The following COPS2 variants were observed in gnomAD, a reference collection of about 807,000 sequenced individuals.
COPS2 encodes COP9 signalosome complex subunit 2.
Under a neutral mutation model 66.1 loss-of-function variants are expected in COPS2, and 10 were observed. The ratio of observed to expected loss-of-function variants is 0.15; its 90% CI spans 0.09 to 0.26. The LOEUF (loss-of-function observed/expected upper bound fraction) is 0.26. Among genes scored for constraint, COPS2 ranks in the 10% least tolerant of loss-of-function variants. The probability of loss-of-function intolerance (pLI) is 1.00; values close to 1 mark genes in which losing one functional copy is unlikely to be tolerated. For synonymous variants in COPS2, 179 were observed against 171.3 expected (o/e 1.04, Z -0.35); for missense variants, 215 against 513.3 (o/e 0.42, Z 5.62).
chr15:49,132,468 A>G (rs2940745), intron 9 of COPS2, among the ~76,000 whole-genome samples: 50,719 of 150,168 alleles, frequency 0.34, 9,139 homozygotes, highest in East Asian at 0.58. Context: ...TACACAATTT[A>G]TATGTAGGTG....
rs913765548 is a variant in COPS2, at chr15:49,128,163, C to G, written c.1188-69G>C. The G allele has an allele frequency of 2.0e-6, 3 of 1,465,660 alleles. No individual in the cohort carries two copies. The Admixed American group carries it at 5.8e-5, about 28-fold the overall frequency. The allele number at this position is 1,465,660 out of a possible 1,614,324, so 90.8% of individuals were successfully genotyped here. A position where few individuals can be genotyped will look rare whatever the true frequency, so the allele number is the denominator to read the frequency against. ...AAGCACAGTTTCTGGATTAATGTTT[C>G]ATAAAATACAGTATCAACAAATGCC... On this transcript the variant is annotated intron_variant, in intron 12 of 12. Coordinates refer to ENST00000388901, the MANE Select transcript of COPS2 (RefSeq NM_004236.4).
chr15:49,132,354 CT>C lies in COPS2; in HGVS notation c.947+1404del, dbSNP rs573971229. 5.1e-4 allele frequency among the ~76,000 whole-genome samples: 74 copies of C among 144,408 alleles called. No homozygotes were observed. The East Asian group carries it at 6.2e-3, about 12-fold the overall frequency. The allele number at this position is 144,408 out of a possible 152,430, so 94.7% of individuals were successfully genotyped here. A position where few individuals can be genotyped will look rare whatever the true frequency, so the allele number is the denominator to read the frequency against. ...TTCTTAGTCCCCCTAAAAAAAAACG[CT>C]TTTTTTTTTACAGCCAAAATTAAGG... is the stretch of plus-strand genomic sequence containing the variant. On this transcript the variant is annotated intron_variant, in intron 9 of 12. Coordinates refer to ENST00000388901, the MANE Select transcript of COPS2 (RefSeq NM_004236.4).
At chr15:49,150,490 G>A (rs2084352665) in intron 1 of COPS2, among the ~76,000 whole-genome samples, 2 of 151,954 alleles carry the variant, frequency 1.3e-5, no homozygotes, top group Admixed American at 1.3e-4. Flanking sequence ...TGACAAATAC[G>A]AGAGTCTGTA....
Position 49,127,989 on chromosome 15 carries a change from T to C in COPS2, c.1293A>G (p.Leu431=), listed in dbSNP as rs770987851. 3 of 1,614,034 alleles carry C rather than the reference T, an allele frequency of 1.9e-6. No homozygotes were observed. The highest frequency in any genetic ancestry group is 8.5e-7 in the Non-Finnish European group (1 of 1,179,908). Residue 431 remains leucine (L), a synonymous_variant, in exon 13 of 13, where the codon CTA becomes CTG. Coordinates refer to ENST00000388901, the MANE Select transcript of COPS2 (RefSeq NM_004236.4). ...YTALDKWTNQ[L]NSLNQAVVSK... Reference sequence around the variant, plus strand: ...TGACTACAGCCTGGTTGAGAGAATTTAGTTGGTTGGTCCATTTATCTAGTG... The same window carrying C: ...TGACTACAGCCTGGTTGAGAGAATTCAGTTGGTTGGTCCATTTATCTAGTG...
At chr15:49,153,061 C>A (rs1403925647) in intron 1 of COPS2, among the ~76,000 whole-genome samples, 1 of 152,188 alleles carries the variant, frequency 6.6e-6, no homozygotes, top group Non-Finnish European at 1.5e-5. Flanking sequence ...ATCCAACAGA[C>A]TATTGCTTAG....
At chr15:49,134,754 G>C (rs988459808) in intron 6 of COPS2, among the ~76,000 whole-genome samples, 3 of 152,030 alleles carry the variant, frequency 2.0e-5, no homozygotes, top group Non-Finnish European at 4.4e-5. Context: ...TTTTATAGTA[G>C]TCCTTCCTTA....
intron 1 of COPS2, among the ~76,000 whole-genome samples, chr15:49,154,377 CTAT>C (rs1315952499): frequency 2.0e-5 from 3 of 152,150 alleles, no homozygotes; most frequent in African/African-American, 7.2e-5. Flanking sequence ...AAAATCTCTA[CTAT>C]GACTTTCAAA....
Position 49,128,012 on chromosome 15 carries a change from G to A in COPS2, c.1270C>T (p.Leu424=). ...TTTAGTTGGTTGGTCCATTTATCTA[G>A]TGCAGTATATCGTGCACCACCCCTC... ...QKRGGARYTA[L]DKWTNQLNSL... is the part of the protein sequence containing the mutation. The change falls in exon 13 of 13, where the codon CTA becomes TTA. Residue 424 remains leucine, a synonymous_variant. Transcript: ENST00000388901. The A allele has an allele frequency of 6.2e-7, 1 of 1,613,914 alleles. No individual in the cohort carries two copies. The highest frequency in any genetic ancestry group is 8.5e-7 in the Non-Finnish European group (1 of 1,179,892).
At chr15:49,136,884 G>A (rs1467863550) in intron 6 of COPS2, among the ~76,000 whole-genome samples, 2 of 152,010 alleles carry the variant, frequency 1.3e-5, no homozygotes, top group Non-Finnish European at 2.9e-5. Context: ...AGCTACTTAG[G>A]AGGCTGAGGT....
In COPS2 at chr15:49,134,347, A is replaced by G; in HGVS notation, c.708T>C (p.Val236=). ...TCTCCAAACCAAACTTGCCTCTGAT[A>G]ACTCCCATAATCAGTGGATGAGGGA... ...SAIPHPLIMG[V]IRECGGKMHL... Residue 236 remains valine, a synonymous_variant, in exon 7 of 13, where the codon GTT becomes GTC. Coordinates refer to ENST00000388901, the MANE Select transcript of COPS2 (RefSeq NM_004236.4). 1 of 1,612,896 alleles carries G rather than the reference A, an allele frequency of 6.2e-7. No homozygotes were observed. The highest frequency in any genetic ancestry group is 8.5e-7 in the Non-Finnish European group (1 of 1,179,618).
intron 1 of COPS2, among the ~76,000 whole-genome samples, chr15:49,154,004 T>G (rs771514063): frequency 2.6e-5 from 4 of 152,220 alleles, no homozygotes; most frequent in Non-Finnish European, 5.9e-5. Flanking sequence ...AAAACGTATT[T>G]TATATTTCAA....
At chr15:49,131,883 C>G (rs2141123369) in intron 9 of COPS2, among the ~76,000 whole-genome samples, 1 of 152,282 alleles carries the variant, frequency 6.6e-6, no homozygotes, top group East Asian at 1.9e-4. Context: ...CCATGCATCA[C>G]ATCATGTGGG....
At chr15:49,140,457 A>G (rs925669825) in intron 3 of COPS2, among the ~76,000 whole-genome samples, 2 of 152,048 alleles carry the variant, frequency 1.3e-5, no homozygotes, top group African/African-American at 2.4e-5. Flanking sequence ...AAATTAAACA[A>G]TTTTTTCAAG....
chr15:49,138,097 G>T (rs1332292089), intron 4 of COPS2, among the ~76,000 whole-genome samples: 1 of 152,150 alleles, frequency 6.6e-6, no homozygotes, highest in Non-Finnish European at 1.5e-5. Flanking sequence ...GGAGGTGGGT[G>T]GAGAGAAAAG....
chr15:49,134,605 T>A, intron 6 of COPS2, 91 bp from the exon 7 acceptor site: 1 of 1,027,836 alleles, frequency 9.7e-7, no homozygotes, highest in Non-Finnish European at 1.4e-6. Flanking sequence ...TTTATAATAC[T>A]ATTTCCATGT....
At chr15:49,155,500 C>G in intron 1 of COPS2, 25 bp downstream of exon 1, 1 of 1,613,178 alleles carries the variant, frequency 6.2e-7, no homozygotes, top group South Asian at 1.1e-5. Flanking sequence ...TCACCACCCT[C>G]AGAGTTCCAT....
intron 1 of COPS2, among the ~76,000 whole-genome samples, chr15:49,149,455 ATCTC>A (rs1250177615): frequency 6.6e-5 from 10 of 152,190 alleles, no homozygotes; most frequent in East Asian, 3.8e-4. Flanking sequence ...TATGACATGC[ATCTC>A]TCTAACATAG....
chr15:49,149,491 C>T (rs1252271041), intron 1 of COPS2, among the ~76,000 whole-genome samples: 1 of 152,150 alleles, frequency 6.6e-6, no homozygotes, highest in African/African-American at 2.4e-5. Context: ...TTAAAACAGT[C>T]CAAATTGTGA....
chr15:49,142,095 ATGTT>A (rs1380923073), intron 3 of COPS2, among the ~76,000 whole-genome samples: 3 of 152,150 alleles, frequency 2.0e-5, no homozygotes, highest in African/African-American at 7.2e-5. Flanking sequence ...AATACAGTAA[ATGTT>A]TGTGTTTAAT....
Sources: allele counts gnomAD v4.1 joint callset (sites outside exome capture counted in the v4.1 genomes callset), GRCh38; gene constraint gnomAD v4.1.1; transcripts MANE v1.5; gene names NCBI Gene and HGNC (gene_info 2026-07-23, HGNC 2026-07-21).